BRCA2: variants seen among roughly 807,000 people sequenced by gnomAD.
The protein encoded by BRCA2 is breast cancer type 2 susceptibility protein.
In BRCA2, 203 loss-of-function variants were observed where a neutral mutation model predicts 276.7. The ratio of observed to expected loss-of-function variants is 0.73; its 90% CI spans 0.65 to 0.82. The LOEUF (loss-of-function observed/expected upper bound fraction) is 0.82. BRCA2 is among the 40% of genes least tolerant of loss of function. BRCA2 has a pLI of 0.00. For synonymous variants in BRCA2, 1,289 were observed against 1,338.4 expected, an observed-to-expected ratio of 0.96 and a Z score of 0.81; for missense variants, 3,920 against 3,915.0, an observed-to-expected ratio of 1.00 and a Z score of -0.03.
chr13:32,344,502 A>T (rs1566236784), intron 11 of BRCA2, 56 bp from the exon 12 acceptor site: 1 of 1,190,034 alleles, frequency 8.4e-7, no homozygotes, highest in Non-Finnish European at 1.2e-6. Flanking sequence ...TAGACTTTTG[A>T]GAAATAAAAC....
chr13:32,379,324 TCAGTGAAGAG>T lies in BRCA2; in HGVS notation c.8767_8776del (p.Glu2923Ter), dbSNP rs886038186. ...TATCTTAAATGGTCACAGGGTTATTTCAGTGAAGAGCAGTTAAGAGCCTTGAATAATCACA... is the reference window on the plus strand; with the variant it reads ...TATCTTAAATGGTCACAGGGTTATTTCAGTTAAGAGCCTTGAATAATCACA... On this transcript the variant is annotated frameshift_variant, in exon 22 of 27. Transcript: ENST00000380152. LOFTEE classifies it high-confidence loss of function. The T allele has an allele frequency of 6.2e-7, 1 of 1,613,654 alleles. No homozygotes were observed. The highest frequency in any genetic ancestry group is 8.5e-7 in the Non-Finnish European group (1 of 1,179,754).
intron 24 of BRCA2, chr13:32,385,367 G>T: frequency 4.5e-6 from 1 of 219,828 alleles, no homozygotes; most frequent in South Asian, 8.1e-5. Context: ...GAAGCTGAAG[G>T]AGAAAAGTAC....
Position 32,379,930 on chromosome 13 carries a change from G to T in BRCA2, c.9117+17G>T, listed in dbSNP as rs1477754012. The T allele has an allele frequency of 6.2e-7, 1 of 1,612,944 alleles. No homozygotes were observed. The highest frequency in any genetic ancestry group is 8.5e-7 in the Non-Finnish European group (1 of 1,179,242). On this transcript the variant is annotated intron_variant, in intron 23 of 26. Transcript: ENST00000380152. Reference sequence around the variant, plus strand: ...CAACTACCGGTACAAACCTTTCATTGTAATTTTTCAGTTTTGATAAGTGCT... The same window carrying T: ...CAACTACCGGTACAAACCTTTCATTTTAATTTTTCAGTTTTGATAAGTGCT...
chr13:32,376,115 GTGAAA>G lies in BRCA2; in HGVS notation c.8633-553_8633-549del, dbSNP rs540494622. On this transcript the variant is annotated intron_variant, in intron 20 of 26. Coordinates refer to ENST00000380152, the MANE Select transcript of BRCA2 (RefSeq NM_000059.4). ...TGCAGTATCTATGAAACTCAGTGAA[GTGAAA>G]TACATTAAAACAAATATACCTATGT... Among the ~76,000 whole-genome samples, 749 of 151,896 alleles carry G rather than the reference GTGAAA, an allele frequency of 4.9e-3. 8 individuals carry two copies. Among genetic ancestry groups the G allele is most frequent in the African/African-American group, 0.017 (704 of 41,432 alleles).
chr13:32,317,606 CA>C (rs1356312592), intron 2 of BRCA2, among the ~76,000 whole-genome samples: 1 of 152,174 alleles, frequency 6.6e-6, no homozygotes, highest in Admixed American at 6.5e-5. Flanking sequence ...CTGAATTATA[CA>C]AAGTTTCCAA....
chr13:32,318,926 G>T, intron 2 of BRCA2, 151 bp from the exon 3 acceptor site: 1 of 1,053,664 alleles, frequency 9.5e-7, no homozygotes, highest in Middle Eastern at 3.1e-4. Context: ...CAAGAGAATG[G>T]ATTAATGATC....
Position 32,398,575 on chromosome 13 carries a change from T to C in BRCA2, c.10062T>C (p.Ser3354=), listed in dbSNP as rs764584497. The C allele has an allele frequency of 6.2e-7, 1 of 1,614,196 alleles. No homozygotes were observed. Among genetic ancestry groups the C allele is most frequent in the South Asian group, 1.1e-5 (1 of 91,082 alleles). Residue 3354 remains serine, a synonymous_variant, in exon 27 of 27, where the codon TCT becomes TCC. Coordinates refer to ENST00000380152, the MANE Select transcript of BRCA2 (RefSeq NM_000059.4). ...TGATAAATACCCAAGCTCTTTTGTC[T>C]GGTTCAACAGGAGAAAAACAATTTA... The part of the protein sequence containing the change: ...LALINTQALL[S]GSTGEKQFIS...
chr13:32,359,503 A>G (rs1593922231), intron 16 of BRCA2, among the ~76,000 whole-genome samples: 1 of 152,190 alleles, frequency 6.6e-6, no homozygotes, highest in East Asian at 1.9e-4. Context: ...TATCAGAGAT[A>G]TATTACATTA....
intron 19 of BRCA2, 76 bp from the exon 20 acceptor site, chr13:32,370,880 A>G: frequency 6.4e-7 from 1 of 1,573,702 alleles, no homozygotes; most frequent in South Asian, 1.1e-5. Flanking sequence ...GATGTGAGCC[A>G]CTGTGCCTGG....
rs80359162 is a variant in BRCA2, at chr13:32,379,882, C to T, written c.9086C>T (p.Ala3029Val). The T allele has an allele frequency of 1.1e-5, 17 of 1,613,344 alleles. No homozygotes were observed. Among genetic ancestry groups the T allele is most frequent in the Middle Eastern group, 1.7e-4 (1 of 6,056 alleles). ...GAAAGAGCTAACATACAGTTAGCAG[C>T]GACAAAAAAAACTCAGTATCAACAA... ...KSERANIQLA[A>V]TKKTQYQQLP... The change falls in exon 23 of 27, where the codon GCG becomes GTG. Residue 3029 changes from alanine to valine, a missense_variant. By Grantham distance (64) the Ala-to-Val change is moderately conservative (BLOSUM62 0). Around this residue, in one of 2 missense-constraint regions of BRCA2, gnomAD observed 657 missense variants for 758.2 expected, o/e 0.87. Coordinates refer to ENST00000380152, the MANE Select transcript of BRCA2 (RefSeq NM_000059.4).
Position 32,333,036 on chromosome 13 carries a change from T to G in BRCA2, c.1558T>G (p.Phe520Val), listed in dbSNP as rs80358441. Residue 520 changes from phenylalanine to valine, a missense_variant, in exon 10 of 27, where the codon TTT (phenylalanine) becomes GTT (valine). By Grantham distance (50) the Phe-to-Val change is conservative (BLOSUM62 -1). Transcript: ENST00000380152. ...ACCTAAAGAGACTTTCAATGCAAGT[T>G]TTTCAGGTCATATGACTGATCCAAA... ...ESPKETFNAS[F>V]SGHMTDPNFK... is the part of the protein sequence containing the mutation. 5 of 1,597,338 alleles carry G rather than the reference T, an allele frequency of 3.1e-6. No homozygotes were observed. In the South Asian group the frequency reaches 5.8e-5, roughly 18 times the overall value.
In BRCA2 at chr13:32,337,142, A is replaced by G. The variant is rs878853564; in HGVS notation, c.2787A>G (p.Leu929=). ...TTTTCAAGAACTCTACCATGGTTTT[A>G]TATGGAGACACAGGTGATAAACAAG... ...EPIFKNSTMV[L]YGDTGDKQAT... Residue 929 remains leucine, a synonymous_variant, in exon 11 of 27, where the codon TTA becomes TTG. Coordinates refer to ENST00000380152, the MANE Select transcript of BRCA2 (RefSeq NM_000059.4). 7 of 1,613,786 alleles carry G rather than the reference A, an allele frequency of 4.3e-6. No individual in the cohort carries two copies. In the South Asian group the frequency reaches 7.7e-5, roughly 18 times the overall value.
rs1566242721 is a variant in BRCA2 at position 32,357,787 on chromosome 13, A to G, written c.7663A>G (p.Lys2555Glu). ...TAAACATTGCATAAAAATTAACAGCAAAAATGCAGAGTCTTTTCAGTTTCA... is the reference window on the plus strand; with the variant it reads ...TAAACATTGCATAAAAATTAACAGCGAAAATGCAGAGTCTTTTCAGTTTCA... ...VSKHCIKINS[K>E]NAESFQFHTE... The change falls in exon 16 of 27, where the codon AAA (lysine) becomes GAA (glutamate). Residue 2555 changes from lysine to glutamate, a missense_variant. By Grantham distance (56) the Lys-to-Glu change is moderately conservative (BLOSUM62 1). Coordinates refer to ENST00000380152, the MANE Select transcript of BRCA2 (RefSeq NM_000059.4). The G allele has an allele frequency of 6.2e-7, 1 of 1,613,874 alleles. No individual in the cohort carries two copies.
chr13:32,394,602 ATAGGCATAT>A, intron 24 of BRCA2, 78 bp from the exon 25 acceptor site: 3 of 1,456,052 alleles, frequency 2.1e-6, no homozygotes, highest in South Asian at 2.5e-5. Context: ...ACCAAAATAA[ATAGGCATAT>A]TAGAGTTTCC....
rs1593902107 is a variant in BRCA2 at position 32,338,706 on chromosome 13, G to T, written c.4351G>T (p.Asp1451Tyr). 1.3e-6 allele frequency: 2 copies of T among 1,593,946 alleles called. No individual in the cohort carries two copies. Among genetic ancestry groups the T allele is most frequent in the South Asian group, 2.3e-5 (2 of 87,986 alleles). ...ESFNKIVNFF[D>Y]QKPEELHNFS... ...ATTTAATAAAATTGTAAATTTCTTT[G>T]ATCAGAAACCAGAAGAATTGCATAA... is the stretch of plus-strand genomic sequence containing the variant. The change falls in exon 11 of 27, where the codon GAT (aspartate) becomes TAT (tyrosine). Residue 1451 changes from aspartate to tyrosine, a missense_variant. Around this residue, in one of 2 missense-constraint regions of BRCA2, gnomAD observed 3,263 missense variants for 3,156.9 expected, o/e 1.03. Transcript: ENST00000380152.
rs375125172 is a variant in BRCA2, at chr13:32,325,111, C to T, written c.352C>T (p.Arg118Cys). ...TCCCAATAGTAGACATAAAAGTCTT[C>T]GCACAGTGAAAACTAAAATGGATCA... is the stretch of plus-strand genomic sequence containing the variant. Reference protein sequence around the residue: ...NVPNSRHKSLRTVKTKMDQAD... With the variant: ...NVPNSRHKSLCTVKTKMDQAD... The change falls in exon 4 of 27, where the codon CGC (arginine) becomes TGC (cysteine). Residue 118 changes from arginine to cysteine, a missense_variant. Physicochemically the swap from Arg to Cys is radical, Grantham distance 180. This residue lies in a region of BRCA2 where 3,263 missense variants were observed against 3,156.9 expected (regional missense o/e 1.03). Transcript: ENST00000380152. The T allele has an allele frequency of 1.5e-5, 24 of 1,607,402 alleles. No homozygotes were observed. The highest frequency in any genetic ancestry group is 1.3e-4 in the African/African-American group (10 of 74,874).
At position 32,336,477 on chromosome 13, in the gene BRCA2, T is replaced by A. The variant is rs80358488; in HGVS notation, c.2122T>A (p.Ser708Thr). Residue 708 changes from serine to threonine, a missense_variant, in exon 11 of 27, where the codon TCT becomes ACT. Ser to Thr is a moderately conservative substitution (Grantham distance 58). Around this residue, in one of 2 missense-constraint regions of BRCA2, gnomAD observed 3,263 missense variants for 3,156.9 expected, o/e 1.03. Coordinates refer to ENST00000380152, the MANE Select transcript of BRCA2 (RefSeq NM_000059.4). ...GTTATTTATTACCCCAGAAGCTGAT[T>A]CTCTGTCATGCCTGCAGGAAGGACA... is the stretch of plus-strand genomic sequence containing the variant. ...LQLFITPEADSLSCLQEGQCE... is the reference protein window; with the variant it reads ...LQLFITPEADTLSCLQEGQCE... The A allele has an allele frequency of 3.7e-6, 6 of 1,614,078 alleles. No individual in the cohort carries two copies. In the East Asian group the frequency reaches 1.3e-4, roughly 36 times the overall value.
In BRCA2 at chr13:32,363,244, C is replaced by G. The variant is rs587782519; in HGVS notation, c.8042C>G (p.Thr2681Arg). Residue 2681 changes from threonine to arginine, a missense_variant, in exon 18 of 27, where the codon ACA becomes AGA. This residue lies in a region of BRCA2 where 3,263 missense variants were observed against 3,156.9 expected (regional missense o/e 1.03). Transcript: ENST00000380152. ...AIKKIMERDD[T>R]AAKTLVLCVS... ...AAAAAGATAATGGAAAGGGATGACACAGCTGCAAAAACACTTGTTCTCTGT... is the reference window on the plus strand; with the variant it reads ...AAAAAGATAATGGAAAGGGATGACAGAGCTGCAAAAACACTTGTTCTCTGT... 4.3e-6 allele frequency: 7 copies of G among 1,613,904 alleles called. No individual in the cohort carries two copies. Among genetic ancestry groups the G allele is most frequent in the Non-Finnish European group, 5.9e-6 (7 of 1,179,958 alleles).
At chr13:32,358,949 C>T (rs1159023419) in intron 16 of BRCA2, among the ~76,000 whole-genome samples, 9 of 147,254 alleles carry the variant, frequency 6.1e-5, no homozygotes, top group East Asian at 2.1e-4. Context: ...AGGCCAGGTG[C>T]GGTGGCTCAC....
Sources: allele counts gnomAD v4.1 joint callset (sites outside exome capture counted in the v4.1 genomes callset), GRCh38; gene constraint gnomAD v4.1.1; regional missense constraint gnomAD v4.1.1; transcripts MANE v1.5; gene names NCBI Gene and HGNC (gene_info 2026-07-23, HGNC 2026-07-21).